The following PKDREJ variants were observed in gnomAD, a reference collection of about 807,000 sequenced individuals.
The protein encoded by PKDREJ is PKD and REJ homolog.
For missense variants in PKDREJ, 2,507 were observed against 2,807.2 expected (o/e 0.89, Z 2.42); for synonymous variants, 1,031 against 1,095.5 (o/e 0.94, Z 1.16).
Position 46,261,145 on chromosome 22 carries a change from G to A in PKDREJ, c.2178C>T (p.Leu726=). ...TTCGGAGATTGACTCTGTCATCTCG[G>A]AGAGGTAATTCAGTTTTCATGTTAT... is the stretch of plus-strand genomic sequence containing the variant. ...VLNNMKTELP[L]RDDRVNLRKH... is the part of the protein sequence containing the mutation. The change falls in exon 1 of 1, where the codon CTC becomes CTT. Residue 726 remains leucine, a synonymous_variant. Coordinates refer to ENST00000253255, the MANE Select transcript of PKDREJ (RefSeq NM_006071.2). This position sits in a 1 kb window ranked among gnomAD's most constrained non-coding sequence, Gnocchi z 7.1. The A allele has an allele frequency of 6.2e-7, 1 of 1,614,158 alleles. No individual in the cohort carries two copies.
chr22:46,262,622 C>G lies in PKDREJ; in HGVS notation c.701G>C (p.Ser234Thr). 1.2e-6 allele frequency: 2 copies of G among 1,612,942 alleles called. No individual in the cohort carries two copies. The highest frequency in any genetic ancestry group is 1.7e-6 in the Non-Finnish European group (2 of 1,179,654). ...TDQKGAPVRL[S>T]MQAEATINAS... ...GTTGATGGTGGCCTCCGCCTGCATG[C>G]TCAGGCGCACGGGGGCGCCCTTCTG... The change falls in exon 1 of 1, where the codon AGC becomes ACC. Residue 234 changes from serine to threonine, a missense_variant. Ser to Thr is a moderately conservative substitution (Grantham distance 58, BLOSUM62 1). Coordinates refer to ENST00000253255, the MANE Select transcript of PKDREJ (RefSeq NM_006071.2). The surrounding 1 kb of genome is among the most constrained non-coding windows in gnomAD (Gnocchi z 8.1).
In PKDREJ at chr22:46,261,273, G is replaced by C; in HGVS notation, c.2050C>G (p.Leu684Val). The change falls in exon 1 of 1, where the codon CTC becomes GTC. Residue 684 changes from leucine to valine, a missense_variant. By Grantham distance (32) the Leu-to-Val change is conservative (BLOSUM62 1). Transcript: ENST00000253255. The surrounding 1 kb of genome is among the most constrained non-coding windows in gnomAD (Gnocchi z 7.1). The stretch of plus-strand genomic sequence containing the variant: ...GAACTTGGTCCCACGGTGAAACTGA[G>C]TAACTGATTCAACACTGTCTTTGAT... ...NSSKTVLNQL[L>V]SFTVGPSSLL... The C allele has an allele frequency of 6.2e-7, 1 of 1,614,016 alleles. No individual in the cohort carries two copies. Among genetic ancestry groups the C allele is most frequent in the Non-Finnish European group, 8.5e-7 (1 of 1,180,014 alleles).
chr22:46,263,011 C>T lies in PKDREJ; in HGVS notation c.312G>A (p.Trp104Ter). 1.6e-6 allele frequency: 2 copies of T among 1,270,554 alleles called. No individual in the cohort carries two copies. The highest frequency in any genetic ancestry group is 1.8e-5 in the South Asian group (1 of 54,332). 78.7% of individuals were successfully genotyped at this position (1,270,554 alleles called of 1,614,324 possible). Residue 104 changes from tryptophan to a stop codon, truncating the protein, a stop_gained, in exon 1 of 1, where the codon TGG becomes TGA. Coordinates refer to ENST00000253255, the MANE Select transcript of PKDREJ (RefSeq NM_006071.2). LOFTEE classifies it low-confidence loss of function (END_TRUNC). The surrounding 1 kb of genome is among the most constrained non-coding windows in gnomAD (Gnocchi z 9.4). ...RVLLSAQRLP[W>*]PAAPALALVD... ...CGAGCGCGAGCGCGGGCGCGGCCGG[C>T]CAGGGCAGGCGTTGGGCGCTGAGCA...
rs1032653913 is a variant in PKDREJ at position 46,261,232 on chromosome 22, C to G, written c.2091G>C (p.Leu697Phe). Residue 697 changes from leucine to phenylalanine, a missense_variant, in exon 1 of 1, where the codon TTG becomes TTC. Physicochemically the swap from Leu to Phe is conservative, Grantham distance 22 (BLOSUM62 0). Transcript: ENST00000253255. The surrounding 1 kb of genome is among the most constrained non-coding windows in gnomAD (Gnocchi z 7.1). ...CAGGTAAAAAATCCTTCTTTTGAATCAAAGTAGACAGCAATGAACTTGGTC... is the reference window on the plus strand; with the variant it reads ...CAGGTAAAAAATCCTTCTTTTGAATGAAAGTAGACAGCAATGAACTTGGTC... ...TVGPSSLLST[L>F]IQKKDFLPAG... is the part of the protein sequence containing the mutation. 3.1e-6 allele frequency: 5 copies of G among 1,613,908 alleles called. No homozygotes were observed. Among genetic ancestry groups the G allele is most frequent in the Non-Finnish European group, 4.2e-6 (5 of 1,179,986 alleles).
rs201148500 is a variant in PKDREJ at position 46,260,806 on chromosome 22, G to C, written c.2517C>G (p.Asp839Glu). 1 of 1,614,020 alleles carries C rather than the reference G, an allele frequency of 6.2e-7. No homozygotes were observed. The highest frequency in any genetic ancestry group is 8.5e-7 in the Non-Finnish European group (1 of 1,179,916). The change falls in exon 1 of 1, where the codon GAC becomes GAG. Residue 839 changes from aspartate to glutamate, a missense_variant. Physicochemically the swap from Asp to Glu is conservative, Grantham distance 45. Coordinates refer to ENST00000253255, the MANE Select transcript of PKDREJ (RefSeq NM_006071.2). The surrounding 1 kb of genome is among the most constrained non-coding windows in gnomAD (Gnocchi z 4.5). Reference protein sequence around the residue: ...DPFYVIESLSDTILANKVPGN... With the variant: ...DPFYVIESLSETILANKVPGN... ...CTGGCACTTTATTAGCCAGTATTGTGTCTGATAGAGATTCTATTACATAGA... is the reference window on the plus strand; with the variant it reads ...CTGGCACTTTATTAGCCAGTATTGTCTCTGATAGAGATTCTATTACATAGA...
chr22:46,258,143 A>G lies in PKDREJ; in HGVS notation c.5180T>C (p.Leu1727Pro), dbSNP rs1936653677. The G allele has an allele frequency of 6.2e-7, 1 of 1,614,130 alleles. No individual in the cohort carries two copies. Among genetic ancestry groups the G allele is most frequent in the Non-Finnish European group, 8.5e-7 (1 of 1,179,952 alleles). ...GTCAGTGTGACGTAGTAAGACGATAAGGATCAACAGAAGGGCTAGAAAGAT... is the reference window on the plus strand; with the variant it reads ...GTCAGTGTGACGTAGTAAGACGATAGGGATCAACAGAAGGGCTAGAAAGAT... ...HFIFLALLLI[L>P]IVLLRHTDCF... Residue 1727 changes from leucine to proline, a missense_variant, in exon 1 of 1, where the codon CTT becomes CCT. By Grantham distance (98) the Leu-to-Pro change is moderately conservative (BLOSUM62 -3). Transcript: ENST00000253255. This position sits in a 1 kb window ranked among gnomAD's most constrained non-coding sequence, Gnocchi z 6.1.
chr22:46,256,085 A>G lies in PKDREJ; in HGVS notation c.*476T>C, dbSNP rs56017104. The G allele has an allele frequency of 0.089, 13,795 of 155,156 alleles. 695 individuals are homozygous for G. Among genetic ancestry groups the G allele is most frequent in the Non-Finnish European group, 0.11 (7,430 of 69,968 alleles). 9.6% of individuals were successfully genotyped at this position (155,156 alleles called of 1,614,324 possible). A position where few individuals can be genotyped will look rare whatever the true frequency, so the allele number is the denominator to read the frequency against. On this transcript the variant is annotated 3_prime_UTR_variant, in exon 1 of 1. Transcript: ENST00000253255. The surrounding 1 kb of genome is among the most constrained non-coding windows in gnomAD (Gnocchi z 5.3). The stretch of plus-strand genomic sequence containing the variant: ...AACAAGAGGAGGGGAGCCCTGGTCT[A>G]CAAAGGGGCCTCCCAGTGAGGCCGA...
Position 46,261,851 on chromosome 22 carries a change from T to C in PKDREJ, c.1472A>G (p.Tyr491Cys), listed in dbSNP as rs781045419. The change falls in exon 1 of 1, where the codon TAT becomes TGT. Residue 491 changes from tyrosine to cysteine, a missense_variant. Physicochemically the swap from Tyr to Cys is radical, Grantham distance 194. Transcript: ENST00000253255. The surrounding 1 kb of genome is among the most constrained non-coding windows in gnomAD (Gnocchi z 7.1). ...NCTNCASRDFYKWSILSSSGG... is the reference protein window; with the variant it reads ...NCTNCASRDFCKWSILSSSGG... Reference sequence around the variant, plus strand: ...TGAAGAAGACAAAATTGACCATTTATAGAAATCACGGCTTGCACAATTTGT... The same window carrying C: ...TGAAGAAGACAAAATTGACCATTTACAGAAATCACGGCTTGCACAATTTGT... 6.2e-7 allele frequency: 1 copy of C among 1,613,908 alleles called. No individual in the cohort carries two copies. The highest frequency in any genetic ancestry group is 8.5e-7 in the Non-Finnish European group (1 of 1,179,960).
chr22:46,258,356 G>A lies in PKDREJ; in HGVS notation c.4967C>T (p.Thr1656Ile), dbSNP rs779877670. The change falls in exon 1 of 1, where the codon ACT becomes ATT. Residue 1656 changes from threonine to isoleucine, a missense_variant. Physicochemically the swap from Thr to Ile is moderately conservative, Grantham distance 89. Coordinates refer to ENST00000253255, the MANE Select transcript of PKDREJ (RefSeq NM_006071.2). The surrounding 1 kb of genome is among the most constrained non-coding windows in gnomAD (Gnocchi z 6.1). ...NLSWSTKYKY[T>I]EIRLDGMRMH... ...ACGCATTCCATCCAACCTGATCTCA[G>A]TATATTTATACTTGGTTGACCATGA... 6.8e-6 allele frequency: 11 copies of A among 1,614,016 alleles called. No individual in the cohort carries two copies. The African/African-American group carries it at 1.3e-4, about 20-fold the overall frequency.
rs1315480595 is a variant in PKDREJ at position 46,258,576 on chromosome 22, A to G, written c.4747T>C (p.Leu1583=). The G allele has an allele frequency of 6.2e-7, 1 of 1,614,246 alleles. No individual in the cohort carries two copies. The highest frequency in any genetic ancestry group is 1.7e-5 in the Admixed American group (1 of 60,028). The change falls in exon 1 of 1, where the codon TTG becomes CTG. Residue 1583 remains leucine (L), a synonymous_variant. Transcript: ENST00000253255. The surrounding 1 kb of genome is among the most constrained non-coding windows in gnomAD (Gnocchi z 6.1). ...PWWCVYVAWF[L]VFATSSISSF... is the part of the protein sequence containing the mutation. Reference sequence around the variant, plus strand: ...GATATGCTAGAAGTAGCAAAAACCAAAAACCATGCAACATAAACACACCAC... The same window carrying G: ...GATATGCTAGAAGTAGCAAAAACCAGAAACCATGCAACATAAACACACCAC...
Position 46,257,293 on chromosome 22 carries a change from AG to A in PKDREJ, c.6029del (p.Thr2010MetfsTer3). 1.2e-6 allele frequency: 2 copies of A among 1,614,124 alleles called. No homozygotes were observed. The highest frequency in any genetic ancestry group is 1.7e-6 in the Non-Finnish European group (2 of 1,180,026). Reference protein sequence around the residue: ...LLNFALKCIFTVLIVLFLRKH... With the variant: ...LLNFALKCIFXVLIVLFLRKH... ...TCCTGAGAAAGAGCACAATCAACAC[AG>A]TAAATATGCACTTTAAAGCAAAGTT... On this transcript the variant is annotated frameshift_variant, in exon 1 of 1. Coordinates refer to ENST00000253255, the MANE Select transcript of PKDREJ (RefSeq NM_006071.2). LOFTEE classifies it low-confidence loss of function (END_TRUNC). This position sits in a 1 kb window ranked among gnomAD's most constrained non-coding sequence, Gnocchi z 4.7.
In PKDREJ at chr22:46,261,060, C is replaced by G; in HGVS notation, c.2263G>C (p.Val755Leu). The G allele has an allele frequency of 6.2e-7, 1 of 1,614,148 alleles. No individual in the cohort carries two copies. Among genetic ancestry groups the G allele is most frequent in the Non-Finnish European group, 8.5e-7 (1 of 1,180,038 alleles). ...PVSTLVEIGQ[V>L]VMTITKLTQK... ...GTTAATTTGGTAATAGTCATGACTA[C>G]CTGGCCAATTTCTACCAAAGTGCTT... Residue 755 changes from valine to leucine, a missense_variant, in exon 1 of 1, where the codon GTA becomes CTA. Val to Leu is a conservative substitution (Grantham distance 32, BLOSUM62 1). Transcript: ENST00000253255. This position sits in a 1 kb window ranked among gnomAD's most constrained non-coding sequence, Gnocchi z 7.1.
At position 46,262,977 on chromosome 22, in the gene PKDREJ, G is replaced by A; in HGVS notation, c.346C>T (p.Gln116Ter). ...AAPALALVDL[Q>*]LSARGGRLSL... ...AGGCGGCCGCCGCGCGCGGAGAGCT[G>A]CAGGTCGACGAGCGCGAGCGCGGGC... is the stretch of plus-strand genomic sequence containing the variant. Residue 116 changes from glutamine (Q) to a stop codon, truncating the protein, a stop_gained, in exon 1 of 1, where the codon CAG becomes TAG. Coordinates refer to ENST00000253255, the MANE Select transcript of PKDREJ (RefSeq NM_006071.2). LOFTEE classifies it low-confidence loss of function (END_TRUNC). The surrounding 1 kb of genome is among the most constrained non-coding windows in gnomAD (Gnocchi z 8.1). 1.7e-6 allele frequency: 2 copies of A among 1,192,310 alleles called. No individual in the cohort carries two copies. The highest frequency in any genetic ancestry group is 2.1e-6 in the Non-Finnish European group (2 of 963,584). 73.9% of individuals were successfully genotyped at this position (1,192,310 alleles called of 1,614,324 possible). A position where few individuals can be genotyped will look rare whatever the true frequency, so the allele number is the denominator to read the frequency against.
chr22:46,262,878 C>T lies in PKDREJ; in HGVS notation c.445G>A (p.Gly149Arg), dbSNP rs1936715023. 3.7e-6 allele frequency: 4 copies of T among 1,087,902 alleles called. No individual in the cohort carries two copies. Among genetic ancestry groups the T allele is most frequent in the South Asian group, 8.7e-5 (2 of 23,024 alleles). 67.4% of individuals were successfully genotyped at this position (1,087,902 alleles called of 1,614,324 possible). A position where few individuals can be genotyped will look rare whatever the true frequency, so the allele number is the denominator to read the frequency against. Residue 149 changes from glycine (G) to arginine (R), a missense_variant, in exon 1 of 1, where the codon GGA becomes AGA. By Grantham distance (125) the Gly-to-Arg change is moderately radical. Coordinates refer to ENST00000253255, the MANE Select transcript of PKDREJ (RefSeq NM_006071.2). The surrounding 1 kb of genome is among the most constrained non-coding windows in gnomAD (Gnocchi z 8.1). ...LAWAFRLRLL[G>R]PGAARPASPA... ...GAGGCCGGGCGGGCGGCGCCGGGTCCGAGCAGCCGCAGGCGGAAGGCCCAG... is the reference window on the plus strand; with the variant it reads ...GAGGCCGGGCGGGCGGCGCCGGGTCTGAGCAGCCGCAGGCGGAAGGCCCAG...
chr22:46,257,982 G>A lies in PKDREJ; in HGVS notation c.5341C>T (p.Leu1781Phe), dbSNP rs143780899. The change falls in exon 1 of 1, where the codon CTT (leucine) becomes TTT (phenylalanine). Residue 1781 changes from leucine (L) to phenylalanine (F), a missense_variant. By Grantham distance (22) the Leu-to-Phe change is conservative (BLOSUM62 0). Transcript: ENST00000253255. The surrounding 1 kb of genome is among the most constrained non-coding windows in gnomAD (Gnocchi z 4.7). The part of the protein sequence containing the change: ...LLHNDLNPTF[L>F]PESSSKILGL... ...AGGATTTTAGACGAGCTTTCAGGAA[G>A]AAATGTTGGATTCAGGTCATTGTGT... 6.8e-6 allele frequency: 11 copies of A among 1,614,060 alleles called. No homozygotes were observed. The African/African-American group carries it at 1.3e-4, about 20-fold the overall frequency.
In PKDREJ at chr22:46,261,921, T is replaced by C. The variant is rs140333125; in HGVS notation, c.1402A>G (p.Arg468Gly). The C allele has an allele frequency of 4.0e-5, 64 of 1,614,072 alleles. No individual in the cohort carries two copies. Among genetic ancestry groups the C allele is most frequent in the Non-Finnish European group, 5.1e-5 (60 of 1,180,052 alleles). ...AATCTATCAGAGACAATGAAGTTTC[T>C]CTCACAATTTTCGATACATGTGATG... ...AHITCIENCE[R>G]NFIVSDRFSL... Residue 468 changes from arginine (R) to glycine (G), a missense_variant, in exon 1 of 1, where the codon AGA becomes GGA. Coordinates refer to ENST00000253255, the MANE Select transcript of PKDREJ (RefSeq NM_006071.2). This position sits in a 1 kb window ranked among gnomAD's most constrained non-coding sequence, Gnocchi z 7.1.
rs1227534961 is a variant in PKDREJ, at chr22:46,262,375, G to A, written c.948C>T (p.Pro316=). 6.2e-7 allele frequency: 1 copy of A among 1,614,132 alleles called. No homozygotes were observed. Among genetic ancestry groups the A allele is most frequent in the Non-Finnish European group, 8.5e-7 (1 of 1,180,016 alleles). The part of the protein sequence containing the change: ...NFTVSITTGN[P]KMPEVKDSDA... ...CCGAGTCTTTCACCTCGGGCATCTT[G>A]GGGTTCCCTGTGGTGATGGACACCG... Residue 316 remains proline (P), a synonymous_variant, in exon 1 of 1, where the codon CCC becomes CCT. Transcript: ENST00000253255. This position sits in a 1 kb window ranked among gnomAD's most constrained non-coding sequence, Gnocchi z 8.1.
In PKDREJ at chr22:46,262,595, G is replaced by A. The variant is rs753337359; in HGVS notation, c.728C>T (p.Ala243Val). 1 of 1,611,876 alleles carries A rather than the reference G, an allele frequency of 6.2e-7. No homozygotes were observed. The highest frequency in any genetic ancestry group is 8.5e-7 in the Non-Finnish European group (1 of 1,179,310). The change falls in exon 1 of 1, where the codon GCC (alanine) becomes GTC (valine). Residue 243 changes from alanine to valine, a missense_variant. By Grantham distance (64) the Ala-to-Val change is moderately conservative. Transcript: ENST00000253255. The surrounding 1 kb of genome is among the most constrained non-coding windows in gnomAD (Gnocchi z 8.1). ...GGCCGGGCAGTCCAGCTGCACCGAGGCGTTGATGGTGGCCTCCGCCTGCAT... is the reference window on the plus strand; with the variant it reads ...GGCCGGGCAGTCCAGCTGCACCGAGACGTTGATGGTGGCCTCCGCCTGCAT... ...LSMQAEATIN[A>V]SVQLDCPAAR...
Position 46,261,963 on chromosome 22 carries a change from G to A in PKDREJ, c.1360C>T (p.Pro454Ser), listed in dbSNP as rs564152730. The change falls in exon 1 of 1, where the codon CCA becomes TCA. Residue 454 changes from proline to serine, a missense_variant. Coordinates refer to ENST00000253255, the MANE Select transcript of PKDREJ (RefSeq NM_006071.2). The surrounding 1 kb of genome is among the most constrained non-coding windows in gnomAD (Gnocchi z 7.1). Reference sequence around the variant, plus strand: ...CATGTGATGTGTGCTATGGCTTTTGGTCCTTGGAGCACGTGGACCCTCTTA... The same window carrying A: ...CATGTGATGTGTGCTATGGCTTTTGATCCTTGGAGCACGTGGACCCTCTTA... ...SDKRVHVLQG[P>S]KAIAHITCIE... 9.9e-6 allele frequency: 16 copies of A among 1,614,094 alleles called. 1 individual carries two copies. In the South Asian group the frequency reaches 1.8e-4, roughly 18 times the overall value.
Sources: gnomAD v4.1 joint callset for allele counts on GRCh38, gnomAD v4.1.1 for gene constraint, Gnocchi (gnomAD v3.1) non-coding constraint, MANE v1.5 for transcripts, NCBI Gene and HGNC (gene_info 2026-07-23, HGNC 2026-07-21) for gene names.